Variants in COBL observed in about 807,000 individuals in gnomAD.
COBL encodes cordon-bleu WH2 repeat protein, also known as protein cordon-bleu.
A neutral mutation model predicts 98.8 loss-of-function variants in COBL; 51 were observed. The observed-to-expected ratio is 0.52, with a 90% CI of 0.41 to 0.65. The LOEUF (loss-of-function observed/expected upper bound fraction) is 0.65, where lower values mean the gene tolerates loss of function less well. COBL is among the 30% of genes least tolerant of loss of function. The pLI is 0.00. For missense variants in COBL, 1,617 were observed against 1,617.5 expected (o/e 1.00, Z 0.01); for synonymous variants, 634 against 651.7 (o/e 0.97, Z 0.41).
intron 6 of COBL, among the ~76,000 whole-genome samples, chr7:51,133,918 A>G (rs1410291204): frequency 6.6e-6 from 1 of 152,246 alleles, no homozygotes; most frequent in Non-Finnish European, 1.5e-5. Context: ...GGACTTGAAG[A>G]AGCAAATATT....
intron 1 of COBL, among the ~76,000 whole-genome samples, chr7:51,275,488 C>T (rs1799216468): frequency 6.6e-6 from 1 of 152,182 alleles, no homozygotes; most frequent in South Asian, 2.1e-4. Flanking sequence ...GATCCCAGCT[C>T]CACGGCCACA....
intron 12 of COBL, 111 bp from the exon 13 acceptor site, chr7:51,017,679 A>G: frequency 8.8e-7 from 1 of 1,140,592 alleles, no homozygotes. Context: ...GTACTCCTGG[A>G]ACCCCCTTCC....
intron 1 of COBL, among the ~76,000 whole-genome samples, chr7:51,261,861 T>C (rs762396071): frequency 6.6e-5 from 10 of 152,076 alleles, no homozygotes; most frequent in Non-Finnish European, 1.3e-4. Context: ...AGCAGGAGAA[T>C]CACTTGAACC....
Position 51,092,156 on chromosome 7 carries a change from G to A in COBL, c.958-6852C>T, listed in dbSNP as rs530532800. ...TGTGCATGCATGGGATCTAGATTGT[G>A]CACTCCTTATGGGAATCTAATGTCT... is the stretch of plus-strand genomic sequence containing the variant. On this transcript the variant is annotated intron_variant, in intron 6 of 12. Coordinates refer to ENST00000265136, the MANE Select transcript of COBL (RefSeq NM_015198.5). Among the ~76,000 whole-genome samples, 11 of 152,304 alleles carry A rather than the reference G, an allele frequency of 7.2e-5. No individual in the cohort carries two copies. In the East Asian group the frequency reaches 1.9e-3, roughly 27 times the overall value.
rs111317158 is a variant in COBL, at chr7:51,189,614, A to G, written c.685+1236T>C. On this transcript the variant is annotated intron_variant, in intron 4 of 12. Transcript: ENST00000265136. ...GCACCATTGCACTACAGCCTGGGCT[A>G]TAAGAGTGAAATTCCATCTCAAAAA... Among the ~76,000 whole-genome samples the G allele has an allele frequency of 4.6e-5, 7 of 152,318 alleles. 1 individual carries two copies. Among genetic ancestry groups the G allele is most frequent in the South Asian group, 2.1e-4 (1 of 4,820 alleles).
intron 6 of COBL, among the ~76,000 whole-genome samples, chr7:51,106,408 G>A (rs761352800): frequency 7.2e-5 from 11 of 152,094 alleles, no homozygotes; most frequent in Admixed American, 2.0e-4. Context: ...GCAGTATCCC[G>A]GCTGGTGTCA....
At chr7:51,079,055 A>T (rs898605555) in intron 7 of COBL, among the ~76,000 whole-genome samples, 2 of 152,214 alleles carry the variant, frequency 1.3e-5, no homozygotes, top group Admixed American at 6.5e-5. Flanking sequence ...GGAGTCACTA[A>T]GTACAGTCAG....
intron 2 of COBL, among the ~76,000 whole-genome samples, chr7:51,208,896 G>A (rs992697253): frequency 1.3e-5 from 2 of 151,880 alleles, no homozygotes; most frequent in African/African-American, 4.8e-5. Context: ...CAAGTACCCA[G>A]GGACACAAAC....
chr7:51,053,564 A>G (rs773464544), intron 7 of COBL, among the ~76,000 whole-genome samples: 5 of 152,244 alleles, frequency 3.3e-5, no homozygotes, highest in Non-Finnish European at 5.9e-5. Flanking sequence ...CAGATATCTG[A>G]GCCTCGTCTC....
At chr7:51,307,949 T>C (rs1279826175) in intron 1 of COBL, among the ~76,000 whole-genome samples, 1 of 152,262 alleles carries the variant, frequency 6.6e-6, no homozygotes, top group Non-Finnish European at 1.5e-5. Flanking sequence ...AGAGCGCAGA[T>C]AACCATTATC....
chr7:51,075,386 T>C (rs925626897), intron 7 of COBL, among the ~76,000 whole-genome samples: 9 of 152,198 alleles, frequency 5.9e-5, no homozygotes, highest in Non-Finnish European at 1.5e-5. Context: ...AGATGTGTAG[T>C]AGCACACTAT....
chr7:51,171,644 T>C (rs1304519179), intron 5 of COBL, among the ~76,000 whole-genome samples: 1 of 152,170 alleles, frequency 6.6e-6, no homozygotes, highest in East Asian at 1.9e-4. Context: ...ATTTATACTG[T>C]TTTGATTTAT....
At chr7:51,209,242 A>G (rs1792164231) in intron 2 of COBL, among the ~76,000 whole-genome samples, 1 of 152,092 alleles carries the variant, frequency 6.6e-6, no homozygotes, top group Non-Finnish European at 1.5e-5. Flanking sequence ...ACAAGAAAAG[A>G]GCATCAATAA....
chr7:51,251,019 C>T (rs112201499), intron 1 of COBL, among the ~76,000 whole-genome samples: 1,635 of 152,182 alleles, frequency 0.011, 24 homozygotes, highest in African/African-American at 0.037. Context: ...AAATAATTGA[C>T]CTATTTGTGA....
chr7:51,167,781 G>A (rs938331899), intron 5 of COBL, among the ~76,000 whole-genome samples: 6 of 152,060 alleles, frequency 3.9e-5, no homozygotes, highest in Admixed American at 6.6e-5. Flanking sequence ...TACTTACAGC[G>A]AAGTCATTTT....
chr7:51,294,333 A>AAATAAATAAATAAAT (rs1563136809), intron 1 of COBL, among the ~76,000 whole-genome samples: 1 of 135,264 alleles, frequency 7.4e-6, no homozygotes, highest in African/African-American at 3.0e-5. Flanking sequence ...AATAAATAAA[A>AAATAAATAAATAAAT]ATAAATAAAT....
At position 51,090,968 on chromosome 7, in the gene COBL, C is replaced by T. The variant is rs565477686; in HGVS notation, c.958-5664G>A. Among the ~76,000 whole-genome samples the T allele has an allele frequency of 2.6e-5, 4 of 152,318 alleles. No individual in the cohort carries two copies. In the East Asian group the frequency reaches 7.7e-4, roughly 29 times the overall value. On this transcript the variant is annotated intron_variant, in intron 6 of 12. Transcript: ENST00000265136. ...CAGCAAACCTTCTAATTGGAAAATA[C>T]ACCAACAAGCCCAGGGAAGATGGAT... is the stretch of plus-strand genomic sequence containing the variant.
At chr7:51,288,158 G>C (rs189661550) in intron 1 of COBL, among the ~76,000 whole-genome samples, 1 of 152,176 alleles carries the variant, frequency 6.6e-6, no homozygotes, top group Admixed American at 6.5e-5. Flanking sequence ...TGGGGGCCAG[G>C]CATGATGGCT....
intron 2 of COBL, among the ~76,000 whole-genome samples, chr7:51,195,018 T>TTAA (rs560834419): frequency 2.6e-5 from 4 of 152,218 alleles, no homozygotes; most frequent in Non-Finnish European, 5.9e-5. Flanking sequence ...GCTCTGTAGT[T>TTAA]TAATTAGATT....
Sources: gnomAD v4.1 joint callset for allele counts (sites outside exome capture counted in the v4.1 genomes callset) on GRCh38, gnomAD v4.1.1 for gene constraint, MANE v1.5 for transcripts, NCBI Gene and HGNC (gene_info 2026-07-23, HGNC 2026-07-21) for gene names.